The following SLC35F2 variants were observed in gnomAD, a reference collection of about 807,000 sequenced individuals.
SLC35F2 encodes the protein solute carrier family 35 member F2.
Under a neutral mutation model 38.1 loss-of-function variants are expected in SLC35F2, and 25 were observed. The observed-to-expected ratio is 0.66, with a 90% CI of 0.48 to 0.92. The LOEUF (loss-of-function observed/expected upper bound fraction) is 0.92. SLC35F2 is among the 40% of genes least tolerant of loss of function. The pLI is 0.00. For synonymous variants in SLC35F2, 173 were observed against 181.7 expected (o/e 0.95, Z 0.38); for missense variants, 409 against 452.9 (o/e 0.90, Z 0.88).
chr11:107,811,900 T>G, intron 2 of SLC35F2, 106 bp from the exon 3 acceptor site: 1 of 1,098,286 alleles, frequency 9.1e-7, no homozygotes, highest in Non-Finnish European at 1.3e-6. Flanking sequence ...TTTTTTTTCT[T>G]TTTTCTTCTT....
chr11:107,842,257 C>CAAA lies in SLC35F2; in HGVS notation c.110+16398_110+16400dup, dbSNP rs541185009. On this transcript the variant is annotated intron_variant, in intron 1 of 7. Coordinates refer to ENST00000525815, the MANE Select transcript of SLC35F2 (RefSeq NM_017515.5). ...GGCGACAGAGTGAGACTCCGTCTCA[C>CAAA]AAAAAAAAAAAAAAAAAAAAAAAAA... is the stretch of plus-strand genomic sequence containing the variant. Among the ~76,000 whole-genome samples, 33 of 37,896 alleles carry CAAA rather than the reference C, an allele frequency of 8.7e-4. 11 individuals carry two copies. Among genetic ancestry groups the CAAA allele is most frequent in the African/African-American group, 2.4e-3 (20 of 8,274 alleles). The allele number at this position is 37,896 out of a possible 152,430, so 24.9% of individuals were successfully genotyped here. A position where few individuals can be genotyped will look rare whatever the true frequency, so the allele number is the denominator to read the frequency against.
Position 107,818,069 on chromosome 11 carries a change from AAAAAAAGAAAGAAAGAAAG to A in SLC35F2, c.111-2123_111-2105del, listed in dbSNP as rs1460079345. Among the ~76,000 whole-genome samples, 77 of 129,016 alleles carry A rather than the reference AAAAAAAGAAAGAAAGAAAG, an allele frequency of 6.0e-4. 4 individuals are homozygous for A. In the East Asian group the frequency reaches 9.2e-3, roughly 15 times the overall value. The allele number at this position is 129,016 out of a possible 152,430, so 84.6% of individuals were successfully genotyped here. On this transcript the variant is annotated intron_variant, in intron 1 of 7. Transcript: ENST00000525815. ...AAGACTCTGTCTCAAAAAAAAAAAAAAAAAAAGAAAGAAAGAAAGAAAGAAAGAAAGAAAGAAAGAAAGA... is the reference window on the plus strand; with the variant it reads ...AAGACTCTGTCTCAAAAAAAAAAAAAAAAGAAAGAAAGAAAGAAAGAAAGA...
At chr11:107,810,571 T>C in intron 3 of SLC35F2, 10 of 985,372 alleles carry the variant, frequency 1.0e-5, no homozygotes, top group Non-Finnish European at 1.2e-5. Context: ...TCTAGGTAAC[T>C]GCTGGGTTTA....
intron 1 of SLC35F2, among the ~76,000 whole-genome samples, chr11:107,818,866 C>T (rs561976339): frequency 4.6e-5 from 7 of 152,156 alleles, no homozygotes; most frequent in Middle Eastern, 3.4e-3. Flanking sequence ...GATGGTGAGG[C>T]GTGGTGGCTC....
intron 1 of SLC35F2, among the ~76,000 whole-genome samples, chr11:107,856,872 C>CAGGA (rs370520289): frequency 3.6e-4 from 28 of 77,126 alleles, no homozygotes; most frequent in African/African-American, 5.4e-4. Context: ...GGAAGGAAGG[C>CAGGA]AGGAAGGAAG....
At chr11:107,815,742 T>C (rs748302001) in intron 2 of SLC35F2, 48 bp downstream of exon 2, 1 of 1,544,722 alleles carries the variant, frequency 6.5e-7, no homozygotes, top group African/African-American at 1.4e-5. Context: ...TCTAGTAATT[T>C]TTATGAAGAT....
Position 107,791,073 on chromosome 11 carries a change from A to G in SLC35F2, c.*1542T>C, listed in dbSNP as rs757014223. The G allele has an allele frequency of 2.6e-4, 39 of 152,574 alleles. 1 individual carries two copies. The highest frequency in any genetic ancestry group is 5.0e-4 in the Non-Finnish European group (34 of 68,018). 9.5% of individuals were successfully genotyped at this position (152,574 alleles called of 1,614,324 possible). The stretch of plus-strand genomic sequence containing the variant: ...TTTTACATTGTTACAAAAAATTTAC[A>G]TACAGTTTTCTGAAAGTGGCATTTT... On this transcript the variant is annotated 3_prime_UTR_variant, in exon 8 of 8. Coordinates refer to ENST00000525815, the MANE Select transcript of SLC35F2 (RefSeq NM_017515.5).
At chr11:107,815,652 T>C in intron 2 of SLC35F2, 138 bp downstream of exon 2, 1 of 980,260 alleles carries the variant, frequency 1.0e-6, no homozygotes, top group Non-Finnish European at 1.5e-6. Context: ...ATGGTGCTAC[T>C]TACTTTAATC....
At chr11:107,794,570 A>T (rs1859188489) in intron 7 of SLC35F2, among the ~76,000 whole-genome samples, 1 of 152,224 alleles carries the variant, frequency 6.6e-6, no homozygotes, top group East Asian at 1.9e-4. Context: ...ACCTGATTTT[A>T]AAATTAGGAA....
chr11:107,818,371 G>GA (rs1349906202), intron 1 of SLC35F2, among the ~76,000 whole-genome samples: 1 of 152,136 alleles, frequency 6.6e-6, no homozygotes, highest in East Asian at 1.9e-4. Flanking sequence ...GCAGAGGTTA[G>GA]AGTGAGCTGA....
intron 1 of SLC35F2, among the ~76,000 whole-genome samples, chr11:107,853,445 G>A (rs1258750790): frequency 2.6e-5 from 4 of 152,102 alleles, no homozygotes; most frequent in South Asian, 2.1e-4. Flanking sequence ...GAGGCCGGGC[G>A]CGGTGGCTCA....
intron 1 of SLC35F2, among the ~76,000 whole-genome samples, chr11:107,853,231 C>G (rs1192453502): frequency 6.6e-6 from 1 of 152,186 alleles, no homozygotes; most frequent in African/African-American, 2.4e-5. Flanking sequence ...CTATCTCACC[C>G]TGGTAGACTT....
At chr11:107,802,822 G>A (rs1859331808) in intron 7 of SLC35F2, among the ~76,000 whole-genome samples, 179 bp downstream of exon 7, 1 of 152,164 alleles carries the variant, frequency 6.6e-6, no homozygotes, top group Non-Finnish European at 1.5e-5. Context: ...AACCCTAGAA[G>A]GACAATTCTT....
At chr11:107,829,460 C>T (rs11212396) in intron 1 of SLC35F2, among the ~76,000 whole-genome samples, 8,726 of 151,866 alleles carry the variant, frequency 0.057, 513 homozygotes, top group African/African-American at 0.15. Flanking sequence ...GCACCCTTCT[C>T]GCCCTGTGAT....
rs545887443 is a variant in SLC35F2 at position 107,840,507 on chromosome 11, G to A, written c.110+18151C>T. Among the ~76,000 whole-genome samples, 21 of 152,272 alleles carry A rather than the reference G, an allele frequency of 1.4e-4. No homozygotes were observed. In the South Asian group the frequency reaches 3.1e-3, roughly 23 times the overall value. On this transcript the variant is annotated intron_variant, in intron 1 of 7. Coordinates refer to ENST00000525815, the MANE Select transcript of SLC35F2 (RefSeq NM_017515.5). ...GTAAAAACTAGATTTCCCTCATTGCGGATTATCAAAACAAAAATCGCTTTC... is the reference window on the plus strand; with the variant it reads ...GTAAAAACTAGATTTCCCTCATTGCAGATTATCAAAACAAAAATCGCTTTC...
intron 1 of SLC35F2, among the ~76,000 whole-genome samples, chr11:107,854,657 AT>A (rs1157770347): frequency 1.3e-5 from 2 of 152,156 alleles, no homozygotes. Context: ...GTGATCTGAT[AT>A]TCCTAATCAT....
At chr11:107,829,996 C>A (rs935745729) in intron 1 of SLC35F2, among the ~76,000 whole-genome samples, 4 of 152,020 alleles carry the variant, frequency 2.6e-5, no homozygotes, top group Non-Finnish European at 5.9e-5. Flanking sequence ...CATGCTGGCT[C>A]ACACTTGTAA....
At chr11:107,849,554 G>A (rs200440933) in intron 1 of SLC35F2, among the ~76,000 whole-genome samples, 9 of 151,252 alleles carry the variant, frequency 6.0e-5, no homozygotes, top group African/African-American at 2.2e-4. Context: ...CAGGAGAATC[G>A]CTTGAACCTG....
chr11:107,792,532 T>G lies in SLC35F2; in HGVS notation c.*83A>C. 6.9e-7 allele frequency: 1 copy of G among 1,459,622 alleles called. No individual in the cohort carries two copies. Among genetic ancestry groups the G allele is most frequent in the East Asian group, 2.4e-5 (1 of 42,024 alleles). The allele number at this position is 1,459,622 out of a possible 1,614,324, so 90.4% of individuals were successfully genotyped here. A position where few individuals can be genotyped will look rare whatever the true frequency, so the allele number is the denominator to read the frequency against. Reference sequence around the variant, plus strand: ...AGGGTTGTAGAGTGTCCATTCTGAGTCTGCTATTTCCCCAAGTGTCCCCTC... The same window carrying G: ...AGGGTTGTAGAGTGTCCATTCTGAGGCTGCTATTTCCCCAAGTGTCCCCTC... On this transcript the variant is annotated 3_prime_UTR_variant, in exon 8 of 8. Coordinates refer to ENST00000525815, the MANE Select transcript of SLC35F2 (RefSeq NM_017515.5).
Sources: allele counts gnomAD v4.1 joint callset (sites outside exome capture counted in the v4.1 genomes callset), GRCh38; gene constraint gnomAD v4.1.1; transcripts MANE v1.5; gene names NCBI Gene and HGNC (gene_info 2026-07-23, HGNC 2026-07-21).